Variants in VSTM4 observed in about 807,000 individuals in gnomAD.
VSTM4 encodes the protein V-set and transmembrane domain containing 4.
In VSTM4, 20 loss-of-function variants were observed where a neutral mutation model predicts 36.4. That is an observed-to-expected ratio of 0.55 (90% confidence interval 0.39 to 0.80). VSTM4 has a LOEUF of 0.80. Ranked by LOEUF, VSTM4 falls within the 30% of genes least tolerant of loss-of-function variation. The pLI is 0.00. For synonymous variants in VSTM4, 182 were observed against 173.9 expected, an observed-to-expected ratio of 1.05 and a Z score of -0.37; for missense variants, 392 against 404.5, an observed-to-expected ratio of 0.97 and a Z score of 0.26.
At chr10:49,031,031 C>T (rs1416981266) in intron 7 of VSTM4, among the ~76,000 whole-genome samples, 1 of 152,184 alleles carries the variant, frequency 6.6e-6, no homozygotes, top group Non-Finnish European at 1.5e-5. Context: ...TCCCAGCTGC[C>T]TTTCAAAGGA....
At chr10:49,108,689 G>T (rs1189336880) in intron 1 of VSTM4, among the ~76,000 whole-genome samples, 1 of 152,186 alleles carries the variant, frequency 6.6e-6, no homozygotes, top group African/African-American at 2.4e-5. Context: ...GGAAGAGGAG[G>T]GATGAGAGAC....
intron 7 of VSTM4, among the ~76,000 whole-genome samples, chr10:49,035,070 C>T (rs1843406804): frequency 6.6e-6 from 1 of 152,168 alleles, no homozygotes; most frequent in African/African-American, 2.4e-5. Context: ...GGACAGCGTG[C>T]CCCAGAGTGG....
In VSTM4 at chr10:49,022,292, T is replaced by C. The variant is rs1445770293; in HGVS notation, c.838-2517A>G. ...TGGCTTTGGTTTTGTTGTTGTTTGA[T>C]GGACTTTTTAAAAAAAGTTTGTATG... On this transcript the variant is annotated intron_variant, in intron 7 of 7. Transcript: ENST00000332853. Among the ~76,000 whole-genome samples the C allele has an allele frequency of 4.6e-5, 7 of 152,184 alleles. No homozygotes were observed. The South Asian group carries it at 6.2e-4, about 13-fold the overall frequency.
intron 2 of VSTM4, among the ~76,000 whole-genome samples, chr10:49,098,185 T>G (rs1844607204): frequency 6.6e-6 from 1 of 152,234 alleles, no homozygotes; most frequent in African/African-American, 2.4e-5. Flanking sequence ...AGCCTTGCTA[T>G]GCCCCCACAG....
At chr10:49,097,441 A>G (rs1844593411) in intron 2 of VSTM4, among the ~76,000 whole-genome samples, 2 of 147,646 alleles carry the variant, frequency 1.4e-5, no homozygotes, top group Non-Finnish European at 2.9e-5. Flanking sequence ...CTGAGGGAGC[A>G]AAGGAAGGTA....
At chr10:49,085,758 G>A (rs949763293) in intron 3 of VSTM4, among the ~76,000 whole-genome samples, 197 bp downstream of exon 3, 8 of 152,212 alleles carry the variant, frequency 5.3e-5, no homozygotes, top group Admixed American at 2.6e-4. Flanking sequence ...GGGAAAGGGG[G>A]AGGGATGGCA....
At chr10:49,098,403 A>T (rs982303929) in intron 2 of VSTM4, among the ~76,000 whole-genome samples, 2 of 152,192 alleles carry the variant, frequency 1.3e-5, no homozygotes, top group African/African-American at 4.8e-5. Context: ...TCCATCATTC[A>T]CATCCAGTCC....
chr10:49,036,982 T>A (rs1178876099), intron 7 of VSTM4, among the ~76,000 whole-genome samples: 1 of 152,178 alleles, frequency 6.6e-6, no homozygotes, highest in African/African-American at 2.4e-5. Context: ...CACAGGCAAG[T>A]AAGTCTTGGT....
At chr10:49,067,752 G>A (rs959162785) in intron 4 of VSTM4, among the ~76,000 whole-genome samples, 2 of 152,136 alleles carry the variant, frequency 1.3e-5, no homozygotes, top group Non-Finnish European at 2.9e-5. Context: ...TTGCTGTGGC[G>A]GCCTCCGCAA....
intron 4 of VSTM4, among the ~76,000 whole-genome samples, chr10:49,067,178 G>T (rs897943482): frequency 3.3e-5 from 5 of 151,616 alleles, no homozygotes; most frequent in African/African-American, 1.2e-4. Flanking sequence ...CATTTATGAT[G>T]AAAAAGTTTA....
intron 3 of VSTM4, among the ~76,000 whole-genome samples, chr10:49,079,335 C>T (rs562791437): frequency 6.6e-6 from 1 of 152,094 alleles, no homozygotes; most frequent in Admixed American, 6.5e-5. Flanking sequence ...TCCTGAGTAG[C>T]TAAAATTACA....
At chr10:49,112,103 C>T (rs773890116) in intron 1 of VSTM4, among the ~76,000 whole-genome samples, 12 of 152,170 alleles carry the variant, frequency 7.9e-5, no homozygotes, top group Non-Finnish European at 1.5e-5. Context: ...GCCCAACAGC[C>T]ACCCTTGCCA....
At chr10:49,064,136 C>T (rs1448345155) in intron 5 of VSTM4, 1 of 152,346 alleles carries the variant, frequency 6.6e-6, no homozygotes, top group African/African-American at 2.4e-5. Context: ...CACCACCTTT[C>T]AAAGTCTTCA....
At chr10:49,058,079 G>A (rs1275167271) in intron 5 of VSTM4, among the ~76,000 whole-genome samples, 1 of 152,158 alleles carries the variant, frequency 6.6e-6, no homozygotes, top group Non-Finnish European at 1.5e-5. Flanking sequence ...AAGTCAGGGG[G>A]CTGCAATGTC....
chr10:49,108,519 GCTGGGCCCCTTTCC>G (rs1279634930), intron 1 of VSTM4, among the ~76,000 whole-genome samples: 1 of 152,214 alleles, frequency 6.6e-6, no homozygotes, highest in African/African-American at 2.4e-5. Context: ...CCACCAGGAA[GCTGGGCCCCTTTCC>G]CTGACTCCGC....
At chr10:49,035,346 G>A (rs12764806) in intron 7 of VSTM4, among the ~76,000 whole-genome samples, 1 of 152,098 alleles carries the variant, frequency 6.6e-6, no homozygotes, top group Non-Finnish European at 1.5e-5. Context: ...ATGAATCAGT[G>A]ATGCATTAAA....
intron 7 of VSTM4, among the ~76,000 whole-genome samples, chr10:49,040,294 T>A (rs1337310989): frequency 6.6e-6 from 1 of 152,226 alleles, no homozygotes; most frequent in African/African-American, 2.4e-5. Context: ...CTTTCTTCTT[T>A]TTTTTTGAGA....
intron 7 of VSTM4, among the ~76,000 whole-genome samples, chr10:49,039,223 G>A (rs1047734996): frequency 1.2e-4 from 18 of 152,108 alleles, no homozygotes; most frequent in Admixed American, 6.5e-4. Context: ...TGAGGCAGGC[G>A]TAGGTGAGGA....
At position 49,083,521 on chromosome 10, in the gene VSTM4, G is replaced by A. The variant is rs116563495; in HGVS notation, c.526+2434C>T. Among the ~76,000 whole-genome samples, 334 of 152,300 alleles carry A rather than the reference G, an allele frequency of 2.2e-3. 3 individuals are homozygous for A. Among genetic ancestry groups the A allele is most frequent in the African/African-American group, 7.0e-3 (290 of 41,576 alleles). ...AAAGCACGGAGACGCTGCTGCTGCC[G>A]AAATCATAGGAAAAGATTGGTCTGT... On this transcript the variant is annotated intron_variant, in intron 3 of 7. Coordinates refer to ENST00000332853, the MANE Select transcript of VSTM4 (RefSeq NM_001031746.5).
Sources: gnomAD v4.1 joint callset for allele counts (sites outside exome capture counted in the v4.1 genomes callset) on GRCh38, gnomAD v4.1.1 for gene constraint, MANE v1.5 for transcripts, NCBI Gene and HGNC (gene_info 2026-07-23, HGNC 2026-07-21) for gene names.